The following LITAF variants were observed in gnomAD, a reference collection of about 807,000 sequenced individuals.
LITAF encodes the protein lipopolysaccharide induced TNF factor, also known as lipopolysaccharide-induced tumor necrosis factor-alpha factor.
LITAF carries 9 observed loss-of-function variants against 14.5 expected under a neutral mutation model. That is an observed-to-expected ratio of 0.62 (90% CI 0.37 to 1.08). LITAF has a LOEUF of 1.08. Among genes scored for constraint, LITAF ranks in the 50% least tolerant of loss-of-function variants. The pLI is 0.01. For synonymous variants in LITAF, 98 were observed against 88.2 expected, an observed-to-expected ratio of 1.11 and a Z score of -0.62; for missense variants, 206 against 213.4, an observed-to-expected ratio of 0.97 and a Z score of 0.22.
chr16:11,559,880 A>C (rs991377846), intron 1 of LITAF, among the ~76,000 whole-genome samples: 2 of 151,682 alleles, frequency 1.3e-5, no homozygotes, highest in African/African-American at 4.9e-5. Flanking sequence ...CTGTGGTCCC[A>C]GCTACTTGGG....
At chr16:11,610,558 G>A (rs1417354370) in intron 3 of LITAF, among the ~76,000 whole-genome samples, 1 of 152,168 alleles carries the variant, frequency 6.6e-6, no homozygotes, top group Non-Finnish European at 1.5e-5. Context: ...TTCAGACATT[G>A]CCACAGTGCC....
upstream of LITAF, among the ~76,000 whole-genome samples, chr16:11,600,782 C>T (rs1459944188): frequency 6.6e-6 from 1 of 152,156 alleles, no homozygotes; most frequent in Non-Finnish European, 1.5e-5. This position sits in a 1 kb window ranked among gnomAD's most constrained non-coding sequence, Gnocchi z 4.1. Context: ...GGTAGGGGCA[C>T]CAACCCTGTG....
upstream of LITAF, among the ~76,000 whole-genome samples, chr16:11,639,139 G>A (rs966606129): frequency 1.3e-5 from 2 of 151,894 alleles, no homozygotes; most frequent in Non-Finnish European, 2.9e-5. Flanking sequence ...AGGAATGGAT[G>A]CATAGATGGT....
intron 1 of LITAF, among the ~76,000 whole-genome samples, chr16:11,592,445 AG>A (rs1312514253): frequency 6.6e-6 from 1 of 151,894 alleles, no homozygotes; most frequent in African/African-American, 2.4e-5. Flanking sequence ...GCATGGTGAC[AG>A]GCACCTGTGG....
upstream of LITAF, among the ~76,000 whole-genome samples, chr16:11,588,526 A>G (rs1025150306): frequency 1.4e-5 from 2 of 138,738 alleles, no homozygotes; most frequent in African/African-American, 5.0e-5. Flanking sequence ...AGAAAGAAAA[A>G]AAAAAGAAAG....
chr16:11,611,524 C>T (rs1046780514), intron 3 of LITAF, among the ~76,000 whole-genome samples: 3 of 152,166 alleles, frequency 2.0e-5, no homozygotes, highest in Non-Finnish European at 2.9e-5. Flanking sequence ...GCAGCCTTTC[C>T]CCTAGAGGAC....
chr16:11,556,676 C>A lies in LITAF; in HGVS notation c.55G>T (p.Ala19Ser), dbSNP rs753060675. 1.9e-6 allele frequency: 3 copies of A among 1,614,012 alleles called. No homozygotes were observed. The highest frequency in any genetic ancestry group is 1.1e-5 in the South Asian group (1 of 91,092). Residue 19 changes from alanine to serine, a missense_variant, in exon 2 of 4, where the codon GCA becomes TCA. Coordinates refer to ENST00000622633, the MANE Select transcript of LITAF (RefSeq NM_001136472.2). ...AATGPSSAPS[A>S]PPSYEETVAV... ...ACTGTCTCTTCATAGGATGGAGGTG[C>A]GGATGGTGCTGAGGAAGGCCCAGTG...
chr16:11,607,210 C>G (rs1051148380), intron 3 of LITAF, among the ~76,000 whole-genome samples: 3 of 152,200 alleles, frequency 2.0e-5, no homozygotes, highest in Admixed American at 6.5e-5. Flanking sequence ...CCATGTATAG[C>G]TGCCTTGCCA....
At position 11,556,496 on chromosome 16, in the gene LITAF, G is replaced by T; in HGVS notation, c.220+15C>A. The T allele has an allele frequency of 6.2e-7, 1 of 1,601,836 alleles. No individual in the cohort carries two copies. The highest frequency in any genetic ancestry group is 8.5e-7 in the Non-Finnish European group (1 of 1,170,212). ...GCCAAGGAATGGTAAGGGGGGCCTG[G>T]GAGGCCACACGTACTTGGATTGTTA... On this transcript the variant is annotated intron_variant, in intron 2 of 3. Transcript: ENST00000622633.
In LITAF at chr16:11,553,623, C is replaced by T; in HGVS notation, c.287G>A (p.Cys96Tyr). ...CACGATCATCTTGTTGCAGGAAGGA[C>T]AACACATTTGGATAGGGCGGTCCAA... ...TFLDRPIQMC[C>Y]PSCNKMIVSQ... The change falls in exon 3 of 4, where the codon TGT becomes TAT. Residue 96 changes from cysteine (C) to tyrosine (Y), a missense_variant. Transcript: ENST00000622633. This position sits in a 1 kb window ranked among gnomAD's most constrained non-coding sequence, Gnocchi z 7.7. 6.2e-7 allele frequency: 1 copy of T among 1,614,126 alleles called. No homozygotes were observed. The highest frequency in any genetic ancestry group is 2.2e-5 in the East Asian group (1 of 44,872).
Position 11,623,983 on chromosome 16 carries a change from A to T in LITAF, c.85+9550T>A, listed in dbSNP as rs189918211. Among the ~76,000 whole-genome samples the T allele has an allele frequency of 3.7e-4, 57 of 152,192 alleles. 1 individual carries two copies. Among genetic ancestry groups the T allele is most frequent in the African/African-American group, 1.3e-3 (55 of 41,532 alleles). ...ACTCCATCTCAAAAAAAATTTTTTTAAAAGAAGAATCACTCTCTTGGCCAG... is the reference window on the plus strand; with the variant it reads ...ACTCCATCTCAAAAAAAATTTTTTTTAAAGAAGAATCACTCTCTTGGCCAG... On this transcript the variant is annotated intron_variant, in intron 3 of 3. Transcript: ENST00000574848.
rs778226160 is a variant in LITAF, at chr16:11,549,489, G to A, written c.*148C>T. On this transcript the variant is annotated 3_prime_UTR_variant, in exon 4 of 4. Transcript: ENST00000622633. This position sits in a 1 kb window ranked among gnomAD's most constrained non-coding sequence, Gnocchi z 4.6. ...TGGGGTTTGGAGATTTGTTAGTTTT[G>A]CGACGTATTCCCCCCAAAAGAAGAC... is the stretch of plus-strand genomic sequence containing the variant. The A allele has an allele frequency of 5.0e-5, 35 of 695,946 alleles. No individual in the cohort carries two copies. Among genetic ancestry groups the A allele is most frequent in the Non-Finnish European group, 8.6e-5 (33 of 382,084 alleles). 43.1% of individuals were successfully genotyped at this position (695,946 alleles called of 1,614,324 possible).
chr16:11,582,674 T>G (rs550859758), intron 1 of LITAF, among the ~76,000 whole-genome samples: 47 of 152,242 alleles, frequency 3.1e-4, no homozygotes, highest in Non-Finnish European at 5.9e-5. Context: ...GGCACTCACA[T>G]GCAAATTGTC....
At chr16:11,576,359 C>T (rs771015083) in intron 1 of LITAF, among the ~76,000 whole-genome samples, 76 of 152,016 alleles carry the variant, frequency 5.0e-4, no homozygotes, top group Non-Finnish European at 8.1e-4. Context: ...GTCCCAGTTA[C>T]TCCAGAGGCT....
chr16:11,627,993 C>G (rs1334230208), intron 3 of LITAF, among the ~76,000 whole-genome samples: 1 of 118,916 alleles, frequency 8.4e-6, no homozygotes, highest in Non-Finnish European at 1.6e-5. Flanking sequence ...GCCTGAGCGA[C>G]AGAGTGAGAC....
At chr16:11,574,305 G>C (rs148338152) in intron 1 of LITAF, among the ~76,000 whole-genome samples, 76 of 152,140 alleles carry the variant, frequency 5.0e-4, no homozygotes, top group African/African-American at 1.8e-3. Context: ...GCCTCTCAAA[G>C]CGCTGGCATT....
intron 1 of LITAF, among the ~76,000 whole-genome samples, chr16:11,577,247 T>C (rs1009197726): frequency 5.9e-5 from 9 of 152,146 alleles, no homozygotes; most frequent in Admixed American, 5.9e-4. Context: ...TGAGGTCTCC[T>C]GTGCCCATAT....
intron 1 of LITAF, among the ~76,000 whole-genome samples, chr16:11,582,316 A>G (rs962249035): frequency 7.7e-6 from 1 of 129,520 alleles, no homozygotes; most frequent in African/African-American, 3.4e-5. Flanking sequence ...TTCACTCACA[A>G]CGGAAAAAAA....
Position 11,567,962 on chromosome 16 carries a change from C to A in LITAF, c.-5-11227G>T, listed in dbSNP as rs1325008178. Among the ~76,000 whole-genome samples, 4 of 152,194 alleles carry A rather than the reference C, an allele frequency of 2.6e-5. No homozygotes were observed. In the East Asian group the frequency reaches 7.7e-4, roughly 29 times the overall value. ...TCATGCCACTGTGCTCCAGCCTGGG[C>A]AACAGAGCGAGACTCTGTCTCAAAA... On this transcript the variant is annotated intron_variant, in intron 1 of 3. Transcript: ENST00000622633.
Sources: gnomAD v4.1 joint callset for allele counts (sites outside exome capture counted in the v4.1 genomes callset) on GRCh38, gnomAD v4.1.1 for gene constraint, Gnocchi (gnomAD v3.1) non-coding constraint, MANE v1.5 for transcripts, NCBI Gene and HGNC (gene_info 2026-07-23, HGNC 2026-07-21) for gene names.